ARHGAP29: variants seen among roughly 807,000 people sequenced by gnomAD.
ARHGAP29 encodes the protein rho GTPase-activating protein 29.
A neutral mutation model predicts 122.6 loss-of-function variants in ARHGAP29; 43 were observed. The observed-to-expected ratio is 0.35, with a 90% CI of 0.27 to 0.45. The LOEUF is 0.45. Among genes scored for constraint, ARHGAP29 ranks in the 20% least tolerant of loss-of-function variants. The pLI is 1.00. For missense variants in ARHGAP29, 1,303 were observed against 1,477.2 expected, an observed-to-expected ratio of 0.88 and a Z score of 1.93; for synonymous variants, 506 against 497.1, an observed-to-expected ratio of 1.02 and a Z score of -0.24.
chr1:94,283,223 C>T, the ARHGAP29 span, among the ~76,000 whole-genome samples: 17 of 152,178 alleles, frequency 1.1e-4, no homozygotes, highest in South Asian at 4.1e-4. Flanking sequence ...TTAGTTTGAA[C>T]GGCCACCTGG....
At position 94,205,682 on chromosome 1, in the gene ARHGAP29, G is replaced by T; in HGVS notation, c.512C>A (p.Ser171Ter). The change falls in exon 6 of 23, where the codon TCG becomes TAG. Residue 171 changes from serine (S) to a stop codon, truncating the protein, a stop_gained and splice_region_variant. Transcript: ENST00000260526. LOFTEE classifies it high-confidence loss of function. The stretch of plus-strand genomic sequence containing the variant: ...TGATTCCACAGAAACATTTTCAAAC[G>T]ACTTACAACATGGAAAAAGATAAAT... ...LRLPVSRETK[S>*]FENVSVESVD... 1.9e-6 allele frequency: 3 copies of T among 1,611,346 alleles called. No homozygotes were observed. The South Asian group carries it at 3.3e-5, about 18-fold the overall frequency.
upstream of ARHGAP29, among the ~76,000 whole-genome samples, chr1:94,242,389 A>C (rs1182837811): frequency 6.6e-6 from 1 of 152,194 alleles, no homozygotes; most frequent in Non-Finnish European, 1.5e-5. Flanking sequence ...GATGTTTAAA[A>C]CAAAGTAGTA....
chr1:94,252,970 C>G (rs905705321), intron 1 of ARHGAP29, among the ~76,000 whole-genome samples: 5 of 151,908 alleles, frequency 3.3e-5, no homozygotes, highest in South Asian at 2.1e-4. Flanking sequence ...TCACTTCATT[C>G]TCCTTTATTT....
At chr1:94,233,414 T>TAGAGC (rs1653054881) in intron 1 of ARHGAP29, among the ~76,000 whole-genome samples, 2 of 50,068 alleles carry the variant, frequency 4.0e-5, no homozygotes, top group African/African-American at 1.3e-4. Flanking sequence ...ACCACACTAG[T>TAGAGC]GAATTACCAT....
At chr1:94,285,598 G>A in the ARHGAP29 span, among the ~76,000 whole-genome samples, 1 of 151,812 alleles carries the variant, frequency 6.6e-6, no homozygotes. Flanking sequence ...CTGGTGTAGA[G>A]AAAAAGAAGT....
At chr1:94,239,856 T>C (rs537752169), upstream of ARHGAP29, among the ~76,000 whole-genome samples, 39 of 152,140 alleles carry the variant, frequency 2.6e-4, no homozygotes, top group East Asian at 1.9e-4. Context: ...ATTTTTAAAA[T>C]TTTTTCCATT....
intron 3 of ARHGAP29, among the ~76,000 whole-genome samples, chr1:94,209,890 T>A (rs1327982241): frequency 6.6e-6 from 1 of 152,164 alleles, no homozygotes; most frequent in Non-Finnish European, 1.5e-5. Context: ...ACCCAGTGAT[T>A]TGGAAAATTA....
the ARHGAP29 span, among the ~76,000 whole-genome samples, chr1:94,307,644 A>G: frequency 6.6e-6 from 1 of 152,248 alleles, no homozygotes; most frequent in Non-Finnish European, 1.5e-5. Context: ...ATGTAAGGGT[A>G]AAATAAGATA....
intron 17 of ARHGAP29, 50 bp downstream of exon 17, chr1:94,185,292 T>C: frequency 1.3e-6 from 2 of 1,506,014 alleles, no homozygotes; most frequent in Non-Finnish European, 1.8e-6. Flanking sequence ...AACAAAAAAG[T>C]ATAAAACAAA....
the ARHGAP29 span, among the ~76,000 whole-genome samples, chr1:94,301,552 G>A: frequency 2.6e-5 from 4 of 152,200 alleles, no homozygotes; most frequent in African/African-American, 9.6e-5. Context: ...AGGGAAGGAA[G>A]GCTCTGATTT....
At chr1:94,191,581 A>G (rs1650134294) in intron 12 of ARHGAP29, 1 of 152,212 alleles carries the variant, frequency 6.6e-6, no homozygotes, top group African/African-American at 2.4e-5. Context: ...ATGTTAGAGC[A>G]TTCTCCAGCT....
At chr1:94,309,284 G>C in the ARHGAP29 span, among the ~76,000 whole-genome samples, 1 of 152,216 alleles carries the variant, frequency 6.6e-6, no homozygotes, top group Non-Finnish European at 1.5e-5. Context: ...TAAATAACTT[G>C]ATCAGGATCA....
intron 12 of ARHGAP29, chr1:94,195,060 T>C (rs747819624): frequency 3.3e-5 from 5 of 152,186 alleles, no homozygotes; most frequent in African/African-American, 7.2e-5. Context: ...TCTCGGGTTA[T>C]ATAAAAAGAT....
intron 12 of ARHGAP29, among the ~76,000 whole-genome samples, chr1:94,200,145 A>C (rs1650748919): frequency 6.6e-6 from 1 of 152,220 alleles, no homozygotes; most frequent in South Asian, 2.1e-4. Flanking sequence ...GATTCCAACA[A>C]AATTAAAACC....
At chr1:94,303,903 A>G in the ARHGAP29 span, among the ~76,000 whole-genome samples, 2 of 152,158 alleles carry the variant, frequency 1.3e-5, no homozygotes, top group African/African-American at 4.8e-5. Context: ...GCTGCCTAAT[A>G]TTTTTAAATA....
chr1:94,237,743 C>G, upstream of ARHGAP29: 2 of 985,234 alleles, frequency 2.0e-6, no homozygotes, highest in Non-Finnish European at 2.4e-6. Flanking sequence ...ACGCGACCGT[C>G]AGTTGCGCGC....
intron 2 of ARHGAP29, among the ~76,000 whole-genome samples, chr1:94,228,227 C>T (rs1306848930): frequency 1.3e-5 from 2 of 151,674 alleles, no homozygotes; most frequent in Admixed American, 1.3e-4. Flanking sequence ...TCCTCAATGA[C>T]GATTACAATA....
chr1:94,237,835 AGTCACCTGAGG>A, upstream of ARHGAP29: 1 of 913,514 alleles, frequency 1.1e-6, no homozygotes, highest in Non-Finnish European at 1.3e-6. Flanking sequence ...CTCAGAGAAA[AGTCACCTGAGG>A]ACTAGATGCG....
intron 1 of ARHGAP29, among the ~76,000 whole-genome samples, chr1:94,235,705 A>G (rs1019802840): frequency 1.3e-5 from 2 of 152,208 alleles, no homozygotes; most frequent in Admixed American, 6.5e-5. Context: ...CTTCAAACCA[A>G]CAATATTAAA....
Sources: gnomAD v4.1 joint callset for allele counts (sites outside exome capture counted in the v4.1 genomes callset) on GRCh38, gnomAD v4.1.1 for gene constraint, MANE v1.5 for transcripts, NCBI Gene and HGNC (gene_info 2026-07-23, HGNC 2026-07-21) for gene names.